The following C20orf202 variants were observed in gnomAD, a reference collection of about 807,000 sequenced individuals.
C20orf202 encodes chromosome 20 open reading frame 202.
A neutral mutation model predicts 5.3 loss-of-function variants in C20orf202; 5 were observed. The observed-to-expected ratio is 0.94, with a 90% CI of 0.49 to 1.98. The LOEUF is 1.98. Ranked by LOEUF, C20orf202 falls within the 30% of genes most tolerant of loss-of-function variation. The probability of loss-of-function intolerance (pLI) is 0.01; values close to 1 mark genes in which losing one functional copy is unlikely to be tolerated. For missense variants in C20orf202, 135 were observed against 123.5 expected (o/e 1.09, Z -0.44); for synonymous variants, 48 against 50.0 (o/e 0.96, Z 0.16).
Position 1,207,236 on chromosome 20 carries a change from G to GTA in C20orf202, c.*135_*136insAT, listed in dbSNP as rs1258600231. ...GGGTTCATTTCTGCCCTCATCTGCT[G>GTA]TGCATCCCTGGATCTGTCACTCAGC... is the stretch of plus-strand genomic sequence containing the variant. On this transcript the variant is annotated 3_prime_UTR_variant, in exon 2 of 2. Coordinates refer to ENST00000400633, the MANE Select transcript of C20orf202 (RefSeq NM_001394958.1). The GTA allele has an allele frequency of 1.8e-6, 1 of 571,072 alleles. No homozygotes were observed. Among genetic ancestry groups the GTA allele is most frequent in the African/African-American group, 1.9e-5 (1 of 53,668 alleles). 35.4% of individuals were successfully genotyped at this position (571,072 alleles called of 1,614,324 possible). A position where few individuals can be genotyped will look rare whatever the true frequency, so the allele number is the denominator to read the frequency against.
Position 1,203,595 on chromosome 20 carries a change from G to T in C20orf202, c.10G>T (p.Ala4Ser). Residue 4 changes from alanine to serine, a missense_variant, in exon 1 of 2, where the codon GCA becomes TCA. By Grantham distance (99) the Ala-to-Ser change is moderately conservative. Coordinates refer to ENST00000400633, the MANE Select transcript of C20orf202 (RefSeq NM_001394958.1). ...TCCTAAGAACACTGAGATGAAAATA[G>T]CAGAAGAGCCCAGCCCGAGTCTTGG... MKI[A>S]EEPSPSLGQT... is the part of the protein sequence containing the mutation. The T allele has an allele frequency of 1.3e-6, 2 of 1,551,632 alleles. No individual in the cohort carries two copies. Among genetic ancestry groups the T allele is most frequent in the Admixed American group, 3.9e-5 (2 of 50,992 alleles).
chr20:1,204,039 T>C (rs1416940200), intron 1 of C20orf202, among the ~76,000 whole-genome samples: 1 of 152,160 alleles, frequency 6.6e-6, no homozygotes, highest in Non-Finnish European at 1.5e-5. Context: ...GAGATGCTTG[T>C]AATCCTCTTA....
intron 1 of C20orf202, among the ~76,000 whole-genome samples, chr20:1,205,835 G>A (rs2087129099): frequency 6.6e-6 from 1 of 152,194 alleles, no homozygotes; most frequent in Admixed American, 6.5e-5. Context: ...GCTGAGTTGA[G>A]AGGATCGCGT....
chr20:1,204,375 G>T (rs149004966), intron 1 of C20orf202, among the ~76,000 whole-genome samples: 4 of 152,106 alleles, frequency 2.6e-5, no homozygotes, highest in East Asian at 1.9e-4. Context: ...CTGCACATTG[G>T]GGGAGAGAGA....
At position 1,207,080 on chromosome 20, in the gene C20orf202, GC is replaced by G; in HGVS notation, c.279del (p.Ser93ArgfsTer85). 6.6e-7 allele frequency: 1 copy of G among 1,511,524 alleles called. No homozygotes were observed. The highest frequency in any genetic ancestry group is 8.9e-7 in the Non-Finnish European group (1 of 1,122,054). 93.6% of individuals were successfully genotyped at this position (1,511,524 alleles called of 1,614,324 possible). The part of the protein sequence containing the change: ...GLAQLLRGED[S>X]RRSSLP ...GCCCAGCTCCTCCGAGGGGAAGACA[GC>G]AGACGAAGCTCTCTCCCTTAACTGG... On this transcript the variant is annotated frameshift_variant, in exon 2 of 2. Transcript: ENST00000400633. LOFTEE classifies it high-confidence loss of function.
chr20:1,205,145 G>A (rs951165448), intron 1 of C20orf202, among the ~76,000 whole-genome samples: 11 of 143,418 alleles, frequency 7.7e-5, no homozygotes, highest in South Asian at 4.4e-4. Flanking sequence ...TCACTCTGTC[G>A]CCCAGGCTGG....
chr20:1,207,088 A>G lies in C20orf202; in HGVS notation c.286A>G (p.Ser96Gly). ...QLLRGEDSRR[S>G]SLP ...CCTCCGAGGGGAAGACAGCAGACGA[A>G]GCTCTCTCCCTTAACTGGACGGAGA... The change falls in exon 2 of 2, where the codon AGC (serine) becomes GGC (glycine). Residue 96 changes from serine (S) to glycine (G), a missense_variant. By Grantham distance (56) the Ser-to-Gly change is moderately conservative. Coordinates refer to ENST00000400633, the MANE Select transcript of C20orf202 (RefSeq NM_001394958.1). 1.3e-6 allele frequency: 2 copies of G among 1,506,004 alleles called. No homozygotes were observed. Among genetic ancestry groups the G allele is most frequent in the Non-Finnish European group, 1.8e-6 (2 of 1,119,112 alleles). 93.3% of individuals were successfully genotyped at this position (1,506,004 alleles called of 1,614,324 possible). A position where few individuals can be genotyped will look rare whatever the true frequency, so the allele number is the denominator to read the frequency against.
Position 1,206,904 on chromosome 20 carries a change from C to T in C20orf202, c.102C>T (p.Leu34=). 1.9e-6 allele frequency: 3 copies of T among 1,549,510 alleles called. No individual in the cohort carries two copies. The highest frequency in any genetic ancestry group is 2.6e-6 in the Non-Finnish European group (3 of 1,145,546). Reference sequence around the variant, plus strand: ...AGATTCAAGATCAGAGTCTCCTGCTCACACTGAGGCATCTTCACAGTGTCC... The same window carrying T: ...AGATTCAAGATCAGAGTCTCCTGCTTACACTGAGGCATCTTCACAGTGTCC... ...EMQIQDQSLL[L]TLRHLHSVLE... Residue 34 remains leucine, a synonymous_variant, in exon 2 of 2, where the codon CTC becomes CTT. Coordinates refer to ENST00000400633, the MANE Select transcript of C20orf202 (RefSeq NM_001394958.1).
rs917885766 is a variant in C20orf202, at chr20:1,208,385, G to A, written c.*1283G>A. 1 of 152,216 alleles carries A rather than the reference G, an allele frequency of 6.6e-6. No homozygotes were observed. The highest frequency in any genetic ancestry group is 2.4e-5 in the African/African-American group (1 of 41,446). 9.4% of individuals were successfully genotyped at this position (152,216 alleles called of 1,614,324 possible). On this transcript the variant is annotated 3_prime_UTR_variant, in exon 2 of 2. Coordinates refer to ENST00000400633, the MANE Select transcript of C20orf202 (RefSeq NM_001394958.1). The stretch of plus-strand genomic sequence containing the variant: ...TAAATCGATTGCATGTAGAGGCAGA[G>A]TGGAGGGGGTGCATTATAAGTATAA...
In C20orf202 at chr20:1,207,142, T is replaced by G; in HGVS notation, c.*40T>G. On this transcript the variant is annotated 3_prime_UTR_variant, in exon 2 of 2. Coordinates refer to ENST00000400633, the MANE Select transcript of C20orf202 (RefSeq NM_001394958.1). ...CACTGGGCTTTAACACTCTCCCCATTAGTCTAACCTTTCACTGTGATATTT... is the reference window on the plus strand; with the variant it reads ...CACTGGGCTTTAACACTCTCCCCATGAGTCTAACCTTTCACTGTGATATTT... 1 of 1,290,328 alleles carries G rather than the reference T, an allele frequency of 7.7e-7. No individual in the cohort carries two copies. Among genetic ancestry groups the G allele is most frequent in the Non-Finnish European group, 1.0e-6 (1 of 960,904 alleles). 79.9% of individuals were successfully genotyped at this position (1,290,328 alleles called of 1,614,324 possible).
At position 1,206,896 on chromosome 20, in the gene C20orf202, C is replaced by T. The variant is rs1370636964; in HGVS notation, c.94C>T (p.Leu32Phe). The part of the protein sequence containing the change: ...LSEMQIQDQS[L>F]LLTLRHLHSV... ...TGAGATGCAGATTCAAGATCAGAGT[C>T]TCCTGCTCACACTGAGGCATCTTCA... The change falls in exon 2 of 2, where the codon CTC (leucine) becomes TTC (phenylalanine). Residue 32 changes from leucine to phenylalanine, a missense_variant. By Grantham distance (22) the Leu-to-Phe change is conservative. Transcript: ENST00000400633. The T allele has an allele frequency of 6.5e-7, 1 of 1,548,170 alleles. No individual in the cohort carries two copies. The highest frequency in any genetic ancestry group is 8.7e-7 in the Non-Finnish European group (1 of 1,144,640).
intron 1 of C20orf202, among the ~76,000 whole-genome samples, chr20:1,206,341 A>G (rs1444454224): frequency 6.6e-6 from 1 of 152,210 alleles, no homozygotes; most frequent in African/African-American, 2.4e-5. Context: ...TAAAATAATA[A>G]CAAATTCATA....
Position 1,207,024 on chromosome 20 carries a change from G to T in C20orf202, c.222G>T (p.Arg74Ser). The part of the protein sequence containing the change: ...PIRARAGSEG[R>S]GCQPVCSRGL... ...GAGCTCGAGCGGGCTCCGAAGGCAG[G>T]GGCTGCCAGCCGGTTTGCTCAAGGG... Residue 74 changes from arginine to serine, a missense_variant, in exon 2 of 2, where the codon AGG (arginine) becomes AGT (serine). Arg to Ser is a moderately radical substitution (Grantham distance 110, BLOSUM62 -1). Transcript: ENST00000400633. 6.5e-7 allele frequency: 1 copy of T among 1,550,194 alleles called. No homozygotes were observed. The highest frequency in any genetic ancestry group is 8.7e-7 in the Non-Finnish European group (1 of 1,145,936).
intron 1 of C20orf202, 30 bp from the exon 2 acceptor site, chr20:1,206,839 A>G (rs2087133431): frequency 7.0e-7 from 1 of 1,422,562 alleles, no homozygotes; most frequent in East Asian, 2.5e-5. Flanking sequence ...GGCTCCACGC[A>G]TCCCCTCACA....
Position 1,203,611 on chromosome 20 carries a change from C to T in C20orf202, c.26C>T (p.Pro9Leu), listed in dbSNP as rs368558227. 7 of 1,551,314 alleles carry T rather than the reference C, an allele frequency of 4.5e-6. No individual in the cohort carries two copies. Among genetic ancestry groups the T allele is most frequent in the South Asian group, 3.6e-5 (3 of 84,044 alleles). Reference protein sequence around the residue: MKIAEEPSPSLGQTLEWLR... With the variant: MKIAEEPSLSLGQTLEWLR... ...ATGAAAATAGCAGAAGAGCCCAGCCCGAGTCTTGGGCAGACCTTGGAGTGG... is the reference window on the plus strand; with the variant it reads ...ATGAAAATAGCAGAAGAGCCCAGCCTGAGTCTTGGGCAGACCTTGGAGTGG... Residue 9 changes from proline to leucine, a missense_variant, in exon 1 of 2, where the codon CCG (proline) becomes CTG (leucine). Transcript: ENST00000400633.
chr20:1,207,008 C>T lies in C20orf202; in HGVS notation c.206C>T (p.Ala69Val), dbSNP rs1014309242. Reference protein sequence around the residue: ...SGGTSPIRARAGSEGRGCQPV... With the variant: ...SGGTSPIRARVGSEGRGCQPV... ...GGGACATCCCCCATCAGAGCTCGAG[C>T]GGGCTCCGAAGGCAGGGGCTGCCAG... The change falls in exon 2 of 2, where the codon GCG (alanine) becomes GTG (valine). Residue 69 changes from alanine to valine, a missense_variant. By Grantham distance (64) the Ala-to-Val change is moderately conservative (BLOSUM62 0). Transcript: ENST00000400633. The T allele has an allele frequency of 2.6e-6, 4 of 1,550,946 alleles. No individual in the cohort carries two copies. In the Admixed American group the frequency reaches 5.9e-5, roughly 23 times the overall value.
rs149004966 is a variant in C20orf202, at chr20:1,204,375, G to C, written c.66+724G>C. ...GGGTTGAAGGAGGAACTGCACATTG[G>C]GGGAGAGAGAACGAGAGGAAATTCA... On this transcript the variant is annotated intron_variant, in intron 1 of 1. Coordinates refer to ENST00000400633, the MANE Select transcript of C20orf202 (RefSeq NM_001394958.1). Among the ~76,000 whole-genome samples the C allele has an allele frequency of 5.0e-3, 766 of 152,224 alleles. 2 individuals carry two copies. The highest frequency in any genetic ancestry group is 0.017 in the African/African-American group (686 of 41,556).
Position 1,206,959 on chromosome 20 carries a change from T to C in C20orf202, c.157T>C (p.Trp53Arg), listed in dbSNP as rs376822625. 6.4e-7 allele frequency: 1 copy of C among 1,551,734 alleles called. No homozygotes were observed. The highest frequency in any genetic ancestry group is 2.4e-5 in the East Asian group (1 of 40,924). The change falls in exon 2 of 2, where the codon TGG becomes CGG. Residue 53 changes from tryptophan to arginine, a missense_variant. By Grantham distance (101) the Trp-to-Arg change is moderately radical. Transcript: ENST00000400633. ...LEELRADSAH[W>R]EDARSSGGTS... ...GGAGCTGCGTGCGGACAGCGCCCAC[T>C]GGGAGGACGCCAGGTCCAGCGGAGG...
Position 1,208,443 on chromosome 20 carries a change from A to T in C20orf202, c.*1341A>T, listed in dbSNP as rs2087142152. ...AGTCAGATCAACCTGTGATTTTTGT[A>T]TTTGGTAATATAAATGATACCTGCT... On this transcript the variant is annotated 3_prime_UTR_variant, in exon 2 of 2. Transcript: ENST00000400633. Among the ~76,000 whole-genome samples the T allele has an allele frequency of 6.6e-6, 1 of 152,104 alleles. No individual in the cohort carries two copies. The highest frequency in any genetic ancestry group is 2.1e-4 in the South Asian group (1 of 4,820).
Sources: allele counts gnomAD v4.1 joint callset (sites outside exome capture counted in the v4.1 genomes callset), GRCh38; gene constraint gnomAD v4.1.1; transcripts MANE v1.5; gene names NCBI Gene and HGNC (gene_info 2026-07-23, HGNC 2026-07-21).